Variants in FAT3 observed in about 807,000 individuals in gnomAD.
FAT3 encodes the protein FAT atypical cadherin 3.
In FAT3, 95 loss-of-function variants were observed where a neutral mutation model predicts 310.2. The observed-to-expected ratio is 0.31, with a 90% confidence interval of 0.26 to 0.36. The LOEUF is 0.36. Ranked by LOEUF, FAT3 falls within the 10% of genes least tolerant of loss-of-function variation. FAT3 has a pLI of 1.00. For synonymous variants in FAT3, 2,314 were observed against 2,192.9 expected (o/e 1.06, Z -1.54); for missense variants, 5,408 against 5,715.6 (o/e 0.95, Z 1.74).
chr11:92,284,647 C>T (rs1214306851), intron 1 of FAT3, among the ~76,000 whole-genome samples: 1 of 151,996 alleles, frequency 6.6e-6, no homozygotes, highest in Admixed American at 6.6e-5. Flanking sequence ...GTTTGAAAAC[C>T]CTGTGTTGGA....
chr11:92,383,982 G>A (rs1467767188), intron 2 of FAT3, among the ~76,000 whole-genome samples: 1 of 151,888 alleles, frequency 6.6e-6, no homozygotes, highest in South Asian at 2.1e-4. Context: ...TATTTCATCT[G>A]GAATCCTGAG....
chr11:92,608,393 T>C (rs1211347108), intron 3 of FAT3, among the ~76,000 whole-genome samples: 1 of 152,204 alleles, frequency 6.6e-6, no homozygotes, highest in Non-Finnish European at 1.5e-5. Flanking sequence ...TGTTAGTTGT[T>C]ACTTTTCAAC....
intron 4 of FAT3, among the ~76,000 whole-genome samples, chr11:92,745,061 A>G (rs887662455): frequency 2.0e-5 from 3 of 152,168 alleles, no homozygotes; most frequent in African/African-American, 7.2e-5. Flanking sequence ...GCTTGGTGGA[A>G]GAGTTAGTGC....
chr11:92,228,452 A>G (rs529759068), intron 1 of FAT3, among the ~76,000 whole-genome samples: 3 of 152,194 alleles, frequency 2.0e-5, no homozygotes, highest in African/African-American at 2.4e-5. Context: ...GCTAGCCCAC[A>G]GCCTTTGTAA....
intron 3 of FAT3, among the ~76,000 whole-genome samples, chr11:92,578,080 G>A (rs974473757): frequency 4.6e-5 from 7 of 152,084 alleles, no homozygotes; most frequent in African/African-American, 1.7e-4. Context: ...GGGACTCATA[G>A]CTAGTATGTA....
At chr11:92,509,065 TA>T (rs1953205308) in intron 2 of FAT3, among the ~76,000 whole-genome samples, 2 of 152,154 alleles carry the variant, frequency 1.3e-5, no homozygotes, top group African/African-American at 4.8e-5. Flanking sequence ...TTTATCTTAC[TA>T]AACATCATGG....
At chr11:92,810,843 G>A (rs747141301) in intron 13 of FAT3, among the ~76,000 whole-genome samples, 1 of 152,100 alleles carries the variant, frequency 6.6e-6, no homozygotes, top group Non-Finnish European at 1.5e-5. Context: ...ACAGCTTCTC[G>A]GTTGTGCATT....
Position 92,353,314 on chromosome 11 carries a change from G to A in FAT3, c.1202G>A (p.Ser401Asn), listed in dbSNP as rs754876479. 1.2e-6 allele frequency: 2 copies of A among 1,613,636 alleles called. No homozygotes were observed. The highest frequency in any genetic ancestry group is 3.3e-5 in the Admixed American group (2 of 59,900). The change falls in exon 2 of 28, where the codon AGT (serine) becomes AAT (asparagine). Residue 401 changes from serine to asparagine, a missense_variant. This residue lies in a region of FAT3 where 4,588 missense variants were observed against 4,809.8 expected (regional missense o/e 0.95). Transcript: ENST00000525166. ...GTCGTGGTTGCTATAGTAAAATTAAGTCCTGAACCGATAGATGTGGAATAC... is the reference window on the plus strand; with the variant it reads ...GTCGTGGTTGCTATAGTAAAATTAAATCCTGAACCGATAGATGTGGAATAC... ...PGVVVAIVKL[S>N]PEPIDVEYKL... is the part of the protein sequence containing the mutation.
chr11:92,460,959 G>A (rs1160185287), intron 2 of FAT3, among the ~76,000 whole-genome samples: 2 of 151,664 alleles, frequency 1.3e-5, no homozygotes, highest in Non-Finnish European at 2.9e-5. Context: ...CTTTTTTTCT[G>A]TTCTGAGCTA....
chr11:92,603,840 G>A (rs577870939), intron 3 of FAT3, among the ~76,000 whole-genome samples: 1 of 152,186 alleles, frequency 6.6e-6, no homozygotes, highest in Non-Finnish European at 1.5e-5. Context: ...CTTCTTCTCT[G>A]ACTTTTAGCC....
chr11:92,471,570 A>G (rs1591334219), intron 2 of FAT3, among the ~76,000 whole-genome samples: 1 of 152,100 alleles, frequency 6.6e-6, no homozygotes, highest in African/African-American at 2.4e-5. Context: ...CTGTGAAGCA[A>G]TAGAAACTCA....
intron 1 of FAT3, among the ~76,000 whole-genome samples, chr11:92,238,110 T>C (rs887899274): frequency 6.6e-6 from 1 of 152,092 alleles, no homozygotes; most frequent in African/African-American, 2.4e-5. Context: ...TTGTTGATAA[T>C]AACATCAAGA....
intron 22 of FAT3, among the ~76,000 whole-genome samples, chr11:92,876,199 T>C (rs1591841522): frequency 6.6e-6 from 1 of 152,178 alleles, no homozygotes; most frequent in South Asian, 2.1e-4. Context: ...ATTGATGTGC[T>C]TTTCAGAGTC....
chr11:92,825,652 G>C (rs1053903426), intron 13 of FAT3, among the ~76,000 whole-genome samples: 1 of 152,118 alleles, frequency 6.6e-6, no homozygotes, highest in Non-Finnish European at 1.5e-5. Flanking sequence ...GTTGGGACCA[G>C]ATTGCAAAGG....
intron 3 of FAT3, among the ~76,000 whole-genome samples, chr11:92,652,070 A>G (rs1942399589): frequency 1.3e-5 from 2 of 152,256 alleles, no homozygotes; most frequent in South Asian, 2.1e-4. Flanking sequence ...ATTCACTTGC[A>G]ATCATCTCAG....
In FAT3 at chr11:92,891,206, T is replaced by A. The variant is rs2136452000; in HGVS notation, c.*93T>A. 6.8e-7 allele frequency: 1 copy of A among 1,474,864 alleles called. No individual in the cohort carries two copies. Among genetic ancestry groups the A allele is most frequent in the Non-Finnish European group, 9.2e-7 (1 of 1,092,426 alleles). 91.4% of individuals were successfully genotyped at this position (1,474,864 alleles called of 1,614,324 possible). A position where few individuals can be genotyped will look rare whatever the true frequency, so the allele number is the denominator to read the frequency against. ...TCCCAGTGGAGCATTGTCTGTGGAATGAGAAGGGAATACTGTATTTTTCCA... is the reference window on the plus strand; with the variant it reads ...TCCCAGTGGAGCATTGTCTGTGGAAAGAGAAGGGAATACTGTATTTTTCCA... On this transcript the variant is annotated 3_prime_UTR_variant, in exon 28 of 28. Transcript: ENST00000525166.
Position 92,355,013 on chromosome 11 carries a change from G to T in FAT3, c.2901G>T (p.Leu967=), listed in dbSNP as rs766508231. ...AGACCCATGATCCAGATCTTGGACT[G>T]GGGGGTCAAGTGCGCTATTCTTTGG... The part of the protein sequence containing the change: ...WLETHDPDLG[L]GGQVRYSLVN... The change falls in exon 2 of 28, where the codon CTG becomes CTT. Residue 967 remains leucine, a synonymous_variant. Transcript: ENST00000525166. 1.8e-5 allele frequency: 29 copies of T among 1,613,384 alleles called. No homozygotes were observed. The highest frequency in any genetic ancestry group is 2.7e-5 in the African/African-American group (2 of 74,854).
At chr11:92,619,982 A>G (rs988955460) in intron 3 of FAT3, among the ~76,000 whole-genome samples, 1 of 152,110 alleles carries the variant, frequency 6.6e-6, no homozygotes, top group Non-Finnish European at 1.5e-5. Context: ...ATTTATAGCT[A>G]TCAGTTTTCC....
intron 1 of FAT3, among the ~76,000 whole-genome samples, chr11:92,251,374 A>C (rs1045945279): frequency 1.3e-5 from 2 of 152,140 alleles, no homozygotes; most frequent in Non-Finnish European, 2.9e-5. Context: ...TATATAGTGC[A>C]TCCAATTATT....
Sources: gnomAD v4.1 joint callset for allele counts (sites outside exome capture counted in the v4.1 genomes callset) on GRCh38, gnomAD v4.1.1 for gene constraint, gnomAD v4.1.1 regional missense constraint, MANE v1.5 for transcripts, NCBI Gene and HGNC (gene_info 2026-07-23, HGNC 2026-07-21) for gene names.